NAV3: variants seen among roughly 807,000 people sequenced by gnomAD.
NAV3 encodes pore membrane and/or filament interacting like protein 1.
Under a neutral mutation model 244.7 loss-of-function variants are expected in NAV3, and 87 were observed. The ratio of observed to expected loss-of-function variants is 0.36; its 90% CI spans 0.30 to 0.42. The LOEUF (loss-of-function observed/expected upper bound fraction) is 0.42. Ranked by LOEUF, NAV3 falls within the 20% of genes least tolerant of loss-of-function variation. The pLI is 1.00. For synonymous variants in NAV3, 1,126 were observed against 1,042.2 expected, an observed-to-expected ratio of 1.08 and a Z score of -1.55; for missense variants, 2,663 against 2,893.3, an observed-to-expected ratio of 0.92 and a Z score of 1.83.
chr12:78,009,362 C>A (rs183574181), intron 8 of NAV3, among the ~76,000 whole-genome samples: 7 of 138,028 alleles, frequency 5.1e-5, no homozygotes, highest in Admixed American at 8.2e-5. Context: ...GGAGGAGAAT[C>A]GCTTGAACCC....
chr12:77,593,331 C>G (rs532382583), intron 2 of NAV3, among the ~76,000 whole-genome samples: 1 of 151,404 alleles, frequency 6.6e-6, no homozygotes, highest in Non-Finnish European at 1.5e-5. Flanking sequence ...CAGTATAAAG[C>G]TGATTACAAC....
chr12:77,708,361 T>C (rs945924755), intron 2 of NAV3, among the ~76,000 whole-genome samples: 1 of 152,190 alleles, frequency 6.6e-6, no homozygotes, highest in Admixed American at 6.5e-5. Flanking sequence ...AAAGATCAGA[T>C]GGTTGTAGAT....
intron 9 of NAV3, among the ~76,000 whole-genome samples, chr12:78,024,364 C>A (rs781285493): frequency 2.6e-5 from 4 of 152,128 alleles, no homozygotes; most frequent in Non-Finnish European, 5.9e-5. Flanking sequence ...TGACCTCCAA[C>A]CTCAAGTGAC....
intron 12 of NAV3, among the ~76,000 whole-genome samples, chr12:78,103,989 A>G (rs567061420): frequency 6.6e-6 from 1 of 152,364 alleles, no homozygotes; most frequent in Middle Eastern, 3.4e-3. Flanking sequence ...AGAAGTGAGA[A>G]GGTGTTTTTA....
intron 3 of NAV3, among the ~76,000 whole-genome samples, chr12:77,949,879 G>A (rs1429209039): frequency 1.3e-5 from 2 of 151,976 alleles, no homozygotes; most frequent in Admixed American, 6.6e-5. Flanking sequence ...CTGTGGTTTT[G>A]CCTTTTCTAG....
At chr12:77,657,755 C>T (rs1343602586) in intron 2 of NAV3, among the ~76,000 whole-genome samples, 2 of 152,106 alleles carry the variant, frequency 1.3e-5, no homozygotes, top group Non-Finnish European at 2.9e-5. Flanking sequence ...AAAGCTTATC[C>T]ACCATGATCA....
At chr12:78,170,479 T>C (rs1957956213) in intron 24 of NAV3, among the ~76,000 whole-genome samples, 1 of 151,752 alleles carries the variant, frequency 6.6e-6, no homozygotes, top group South Asian at 2.1e-4. Context: ...TATCCTGCTT[T>C]ACACCAGTCT....
intron 21 of NAV3, 124 bp from the exon 22 acceptor site, chr12:78,148,718 G>C: frequency 1.4e-6 from 1 of 719,724 alleles, no homozygotes; most frequent in Non-Finnish European, 2.3e-6. Flanking sequence ...TTATTTTCAG[G>C]AGTTGCTGCT....
At chr12:78,110,020 G>C (rs546257065) in intron 12 of NAV3, among the ~76,000 whole-genome samples, 1 of 152,072 alleles carries the variant, frequency 6.6e-6, no homozygotes, top group South Asian at 2.1e-4. Context: ...CTTTGCTGAT[G>C]ATATGGTTTT....
intron 18 of NAV3, among the ~76,000 whole-genome samples, chr12:78,134,605 A>G (rs1183492183): frequency 6.6e-6 from 1 of 152,180 alleles, no homozygotes. Context: ...AACCCAGTCC[A>G]GCCAGACACA....
At chr12:78,026,686 C>T (rs1474084073) in intron 9 of NAV3, among the ~76,000 whole-genome samples, 1 of 151,932 alleles carries the variant, frequency 6.6e-6, no homozygotes, top group Admixed American at 6.6e-5. Flanking sequence ...ACTAAGATAC[C>T]CTAGAATAAT....
intron 2 of NAV3, among the ~76,000 whole-genome samples, chr12:77,619,881 T>A (rs748128701): frequency 4.8e-4 from 71 of 149,340 alleles, no homozygotes; most frequent in South Asian, 1.3e-3. Flanking sequence ...TCTCTCTCTC[T>A]CACACACACA....
chr12:77,699,888 T>G (rs1875485130), intron 2 of NAV3, among the ~76,000 whole-genome samples: 1 of 151,434 alleles, frequency 6.6e-6, no homozygotes, highest in South Asian at 2.1e-4. Flanking sequence ...AGGAGGGATA[T>G]AGAACCCACT....
At chr12:78,196,572 A>G (rs1959177857) in intron 34 of NAV3, among the ~76,000 whole-genome samples, 1 of 152,002 alleles carries the variant, frequency 6.6e-6, no homozygotes, top group African/African-American at 2.4e-5. Context: ...CAATCAGCAA[A>G]CTGGTTATCA....
At chr12:77,975,633 A>G (rs906263114) in intron 5 of NAV3, among the ~76,000 whole-genome samples, 8 of 152,224 alleles carry the variant, frequency 5.3e-5, no homozygotes, top group Admixed American at 1.3e-4. Context: ...TAGACCTTGA[A>G]TTAAGAGCCT....
At chr12:77,782,703 G>C (rs1025032739) in intron 2 of NAV3, among the ~76,000 whole-genome samples, 1 of 151,810 alleles carries the variant, frequency 6.6e-6, no homozygotes, top group Non-Finnish European at 1.5e-5. Flanking sequence ...TTTTCCAAAG[G>C]GATCATCACA....
rs775456605 is a variant in NAV3, at chr12:78,006,440, C to A, written c.902C>A (p.Ser301Ter). ...NEKDSSKGPQ[S>*]SSGVNGNVQP... ...CCAGATTCCTCCAAAGGACCTCAAT[C>A]GTCTTCAGGTGTAAATGGTAACGTG... The change falls in exon 8 of 40, where the codon TCG becomes TAG. Residue 301 changes from serine to a stop codon, truncating the protein, a stop_gained. Coordinates refer to ENST00000397909, the MANE Select transcript of NAV3 (RefSeq NM_001024383.2). LOFTEE classifies it high-confidence loss of function. The A allele has an allele frequency of 6.2e-7, 1 of 1,613,468 alleles. No homozygotes were observed. Among genetic ancestry groups the A allele is most frequent in the Non-Finnish European group, 8.5e-7 (1 of 1,179,568 alleles).
chr12:77,802,156 T>G (rs987053587), intron 2 of NAV3, among the ~76,000 whole-genome samples: 2 of 152,200 alleles, frequency 1.3e-5, no homozygotes, highest in Non-Finnish European at 2.9e-5. Flanking sequence ...AATAAAAGAA[T>G]GTAAGAAATA....
intron 3 of NAV3, among the ~76,000 whole-genome samples, chr12:77,952,822 C>T (rs1364290781): frequency 5.3e-5 from 8 of 152,020 alleles, no homozygotes; most frequent in Admixed American, 2.0e-4. Context: ...AGGGAGTGGT[C>T]TTGTGAAACA....
Sources: allele counts gnomAD v4.1 joint callset (sites outside exome capture counted in the v4.1 genomes callset), GRCh38; gene constraint gnomAD v4.1.1; transcripts MANE v1.5; gene names NCBI Gene and HGNC (gene_info 2026-07-23, HGNC 2026-07-21).